The following TESC variants were observed in gnomAD, a reference collection of about 807,000 sequenced individuals.
The protein encoded by TESC is tescalcin, also known as calcineurin B homologous protein 3.
TESC carries 19 observed loss-of-function variants against 31.0 expected under a neutral mutation model. The ratio of observed to expected loss-of-function variants is 0.61; its 90% CI spans 0.43 to 0.90. TESC has a LOEUF of 0.90. Among genes scored for constraint, TESC ranks in the 40% least tolerant of loss-of-function variants. The pLI is 0.00. For missense variants in TESC, 248 were observed against 303.8 expected, an observed-to-expected ratio of 0.82 and a Z score of 1.36; for synonymous variants, 109 against 114.8, an observed-to-expected ratio of 0.95 and a Z score of 0.32.
chr12:117,082,465 A>C (rs1955161826), intron 1 of TESC, among the ~76,000 whole-genome samples: 1 of 151,584 alleles, frequency 6.6e-6, no homozygotes, highest in Non-Finnish European at 1.5e-5. Context: ...GAGTGCCATC[A>C]CACTCCAGCC....
chr12:117,070,670 GC>G (rs1954957184), intron 2 of TESC, among the ~76,000 whole-genome samples: 1 of 152,136 alleles, frequency 6.6e-6, no homozygotes, highest in Non-Finnish European at 1.5e-5. Context: ...GTGACCCAGG[GC>G]CAGGTACATG....
At chr12:117,096,412 C>T (rs886916448) in intron 1 of TESC, among the ~76,000 whole-genome samples, 2 of 152,166 alleles carry the variant, frequency 1.3e-5, no homozygotes, top group Admixed American at 6.5e-5. Context: ...TCGTCTCGCA[C>T]GTAACCTTAT....
At chr12:117,095,431 C>T (rs11068331) in intron 1 of TESC, among the ~76,000 whole-genome samples, 46,325 of 152,082 alleles carry the variant, frequency 0.3, 7,171 homozygotes, top group African/African-American at 0.35. Flanking sequence ...CCTGATTGTA[C>T]ACATCAAATG....
intron 2 of TESC, among the ~76,000 whole-genome samples, chr12:117,058,911 C>T (rs1454539703): frequency 6.6e-6 from 1 of 152,208 alleles, no homozygotes; most frequent in African/African-American, 2.4e-5. Context: ...TCCTCCCCTG[C>T]CTTTCACAGA....
At position 117,080,774 on chromosome 12, in the gene TESC, C is replaced by T. The variant is rs1474599378; in HGVS notation, c.59-5434G>A. ...GCCCCCCCAACCCCTTCCCTGCCCC[C>T]ACACCCGGGCTGACCCTGGGCCCCC... On this transcript the variant is annotated intron_variant, in intron 1 of 7. Coordinates refer to ENST00000335209, the MANE Select transcript of TESC (RefSeq NM_017899.4). Among the ~76,000 whole-genome samples, 4 of 152,338 alleles carry T rather than the reference C, an allele frequency of 2.6e-5. No homozygotes were observed. The East Asian group carries it at 7.7e-4, about 29-fold the overall frequency.
intron 2 of TESC, among the ~76,000 whole-genome samples, chr12:117,060,819 C>T (rs1954791838): frequency 6.6e-6 from 1 of 152,182 alleles, no homozygotes; most frequent in Non-Finnish European, 1.5e-5. Flanking sequence ...TTTTCCAAGG[C>T]CCAGATCCCT....
intron 1 of TESC, among the ~76,000 whole-genome samples, chr12:117,097,956 T>C (rs1296222527): frequency 1.3e-5 from 2 of 152,196 alleles, no homozygotes; most frequent in South Asian, 4.1e-4. Context: ...TTTACTTCTT[T>C]AGTTGGATAT....
intron 2 of TESC, among the ~76,000 whole-genome samples, chr12:117,074,607 G>A (rs1034581696): frequency 1.9e-4 from 29 of 152,046 alleles, no homozygotes; most frequent in African/African-American, 6.0e-4. Context: ...CCCCTAAGTC[G>A]GGCTGCACCA....
chr12:117,075,197 CAAG>C, intron 2 of TESC, 71 bp downstream of exon 2: 3 of 1,484,698 alleles, frequency 2.0e-6, no homozygotes, highest in Non-Finnish European at 1.8e-6. Context: ...ACTCAGCACT[CAAG>C]AAAAGAAACA....
intron 7 of TESC, 78 bp from the exon 8 acceptor site, chr12:117,039,288 C>T: frequency 1.4e-6 from 2 of 1,396,286 alleles, no homozygotes; most frequent in Non-Finnish European, 2.0e-6. Flanking sequence ...GTCCTCGGCC[C>T]TTCCCACCTA....
chr12:117,082,502 A>T (rs1593020847), intron 1 of TESC, among the ~76,000 whole-genome samples: 1 of 124,462 alleles, frequency 8.0e-6, no homozygotes, highest in Admixed American at 7.7e-5. Flanking sequence ...GACTTTGTCT[A>T]AAAAAAAAAA....
chr12:117,080,328 C>T (rs967825138), intron 1 of TESC, among the ~76,000 whole-genome samples: 4 of 151,918 alleles, frequency 2.6e-5, no homozygotes, highest in African/African-American at 7.3e-5. Context: ...ATCAGCCAGG[C>T]GTGGTGGGGC....
chr12:117,076,889 G>A (rs1048200226), intron 1 of TESC, among the ~76,000 whole-genome samples: 2 of 152,178 alleles, frequency 1.3e-5, no homozygotes, highest in Non-Finnish European at 2.9e-5. Flanking sequence ...TCGCCTGTCT[G>A]CCCAGAGTAC....
Position 117,043,586 on chromosome 12 carries a change from A to G in TESC, c.520-1592T>C, listed in dbSNP as rs571020914. On this transcript the variant is annotated intron_variant, in intron 6 of 7. Transcript: ENST00000335209. The stretch of plus-strand genomic sequence containing the variant: ...GTGATTCTCTTGCCTCAGACTCCCA[A>G]GTAGCTGGGATTATTACAGGCATGT... 1.1e-4 allele frequency among the ~76,000 whole-genome samples: 17 copies of G among 152,162 alleles called. No individual in the cohort carries two copies. In the East Asian group the frequency reaches 3.3e-3, roughly 29 times the overall value.
chr12:117,048,017 T>C (rs1374459531), intron 4 of TESC, among the ~76,000 whole-genome samples: 1 of 151,486 alleles, frequency 6.6e-6, no homozygotes, highest in Non-Finnish European at 1.5e-5. Context: ...GTGCTGGGAT[T>C]ACAGGAGTGC....
intron 1 of TESC, among the ~76,000 whole-genome samples, chr12:117,097,478 G>A (rs1955410747): frequency 6.6e-6 from 1 of 152,188 alleles, no homozygotes; most frequent in South Asian, 2.1e-4. Context: ...CCTTCCAACG[G>A]GGATCCCAGC....
chr12:117,092,333 G>A (rs12368978), intron 1 of TESC, among the ~76,000 whole-genome samples: 18,806 of 152,136 alleles, frequency 0.12, 1,221 homozygotes, highest in African/African-American at 0.14. Context: ...GGCTGCGACA[G>A]ATGGTGAGAT....
rs543088067 is a variant in TESC, at chr12:117,091,820, C to T, written c.58+7405G>A. Among the ~76,000 whole-genome samples the T allele has an allele frequency of 5.9e-5, 9 of 152,250 alleles. No homozygotes were observed. In the East Asian group the frequency reaches 1.7e-3, roughly 29 times the overall value. On this transcript the variant is annotated intron_variant, in intron 1 of 7. Coordinates refer to ENST00000335209, the MANE Select transcript of TESC (RefSeq NM_017899.4). ...CCTCAAGGTTCAGTTCTCCCCTTGC[C>T]GACTTGGTAAACAATGTGTGGAACT... is the stretch of plus-strand genomic sequence containing the variant.
chr12:117,090,046 G>GA (rs200813510), intron 1 of TESC, among the ~76,000 whole-genome samples: 140 of 143,818 alleles, frequency 9.7e-4, no homozygotes, highest in South Asian at 2.0e-3. Flanking sequence ...ACGAATCGCT[G>GA]AAAAAAAAAA....
Sources: allele counts gnomAD v4.1 joint callset (sites outside exome capture counted in the v4.1 genomes callset), GRCh38; gene constraint gnomAD v4.1.1; transcripts MANE v1.5; gene names NCBI Gene and HGNC (gene_info 2026-07-23, HGNC 2026-07-21).